Variants in TNPO1 observed in about 807,000 individuals in gnomAD.
The protein encoded by TNPO1 is transportin 1.
A neutral mutation model predicts 119.5 loss-of-function variants in TNPO1; 8 were observed. The observed-to-expected ratio is 0.07, with a 90% CI of 0.04 to 0.12. TNPO1 has a LOEUF of 0.12. Among genes scored for constraint, TNPO1 ranks in the 10% least tolerant of loss-of-function variants. The probability of loss-of-function intolerance (pLI) is 1.00; values close to 1 mark genes in which losing one functional copy is unlikely to be tolerated. For missense variants in TNPO1, 576 were observed against 1,089.8 expected, an observed-to-expected ratio of 0.53 and a Z score of 6.64; for synonymous variants, 362 against 363.0, an observed-to-expected ratio of 1.00 and a Z score of 0.03.
chr5:72,855,749 CATTACT>C lies in TNPO1; in HGVS notation c.206-15_206-10del. The stretch of plus-strand genomic sequence containing the variant: ...TTGAAATTAAGACTACTTCAAAACT[CATTACT>C]ATTACTATTTTATTACAGATGAACC... On this transcript the variant is annotated intron_variant, in intron 3 of 24. Coordinates refer to ENST00000337273, the MANE Select transcript of TNPO1 (RefSeq NM_002270.4). 3 of 1,564,288 alleles carry C rather than the reference CATTACT, an allele frequency of 1.9e-6. No homozygotes were observed. The South Asian group carries it at 3.5e-5, about 18-fold the overall frequency.
At chr5:72,908,444 A>G (rs1391894424) in intron 24 of TNPO1, among the ~76,000 whole-genome samples, 2 of 152,218 alleles carry the variant, frequency 1.3e-5, no homozygotes, top group African/African-American at 4.8e-5. Context: ...ATTTCACTAT[A>G]CAAAGTGTTG....
intron 1 of TNPO1, among the ~76,000 whole-genome samples, chr5:72,836,433 T>C (rs1384899079): frequency 2.6e-5 from 4 of 152,222 alleles, no homozygotes; most frequent in African/African-American, 9.6e-5. Flanking sequence ...TGCACCTGGG[T>C]GTGGCTGTGC....
intron 12 of TNPO1, 143 bp downstream of exon 12, chr5:72,887,365 T>A: frequency 1.1e-6 from 1 of 932,210 alleles, no homozygotes; most frequent in Non-Finnish European, 1.5e-6. Context: ...TAACCCCAGC[T>A]AGATATTTTG....
rs1750728358 is a variant in TNPO1 at position 72,914,025 on chromosome 5, G to C, written c.*5352G>C. On this transcript the variant is annotated 3_prime_UTR_variant, in exon 25 of 25. Coordinates refer to ENST00000337273, the MANE Select transcript of TNPO1 (RefSeq NM_002270.4). ...ACAAATATAACTGGATCTTTCTGCT[G>C]ACAACTTAGGTTGTATGAGTTATGC... The C allele has an allele frequency of 6.6e-6, 1 of 152,502 alleles. No homozygotes were observed. Among genetic ancestry groups the C allele is most frequent in the Non-Finnish European group, 1.5e-5 (1 of 67,968 alleles). 9.4% of individuals were successfully genotyped at this position (152,502 alleles called of 1,614,324 possible). A position where few individuals can be genotyped will look rare whatever the true frequency, so the allele number is the denominator to read the frequency against.
At position 72,897,159 on chromosome 5, in the gene TNPO1, A is replaced by G. The variant is rs1197472725; in HGVS notation, c.2338+8A>G. 1 of 1,578,780 alleles carries G rather than the reference A, an allele frequency of 6.3e-7. No homozygotes were observed. Among genetic ancestry groups the G allele is most frequent in the South Asian group, 1.2e-5 (1 of 85,970 alleles). On this transcript the variant is annotated splice_region_variant and intron_variant, in intron 20 of 24. Coordinates refer to ENST00000337273, the MANE Select transcript of TNPO1 (RefSeq NM_002270.4). ...CGTTGTTAGAGAATACAGGTACCAT[A>G]TGACTGAACTGTTTCAGTGAAGAGA...
In TNPO1 at chr5:72,888,223, C is replaced by T. The variant is rs368972466; in HGVS notation, c.1449C>T (p.Asp483=). ...YAHWVVSQPP[D]TYLKPLMTEL... ...ACTGGGTGGTCAGCCAGCCGCCAGA[C>T]ACGTACCTGAAGCCATTAATGACAG... The change falls in exon 13 of 25, where the codon GAC becomes GAT. Residue 483 remains aspartate, a synonymous_variant. Coordinates refer to ENST00000337273, the MANE Select transcript of TNPO1 (RefSeq NM_002270.4). The T allele has an allele frequency of 1.9e-6, 3 of 1,614,012 alleles. No individual in the cohort carries two copies. The African/African-American group carries it at 4.0e-5, about 22-fold the overall frequency.
At chr5:72,879,769 G>A (rs1312984643) in intron 9 of TNPO1, among the ~76,000 whole-genome samples, 4 of 152,194 alleles carry the variant, frequency 2.6e-5, no homozygotes, top group East Asian at 1.9e-4. Context: ...AAAGCACAGT[G>A]AAATAACTTG....
At chr5:72,847,936 A>G (rs960379874) in intron 1 of TNPO1, among the ~76,000 whole-genome samples, 2 of 152,366 alleles carry the variant, frequency 1.3e-5, no homozygotes, top group Middle Eastern at 3.4e-3. Context: ...AAAATAATAT[A>G]CCCAAAACAG....
At chr5:72,858,474 G>C (rs1209901616) in intron 4 of TNPO1, among the ~76,000 whole-genome samples, 2 of 152,142 alleles carry the variant, frequency 1.3e-5, no homozygotes, top group Non-Finnish European at 2.9e-5. Context: ...TATTAGTGAA[G>C]GTGGTGGAAA....
intron 1 of TNPO1, among the ~76,000 whole-genome samples, chr5:72,831,830 C>G (rs1422502445): frequency 1.3e-5 from 2 of 151,970 alleles, no homozygotes; most frequent in Non-Finnish European, 2.9e-5. Context: ...AAAAGTTGCT[C>G]TAAGTACATT....
At chr5:72,835,266 G>C (rs1158121683) in intron 1 of TNPO1, among the ~76,000 whole-genome samples, 1 of 151,802 alleles carries the variant, frequency 6.6e-6, no homozygotes, top group African/African-American at 2.4e-5. Context: ...TTTTTTCTTT[G>C]TTCTTATTCT....
intron 1 of TNPO1, among the ~76,000 whole-genome samples, chr5:72,827,261 T>C (rs1210417865): frequency 6.6e-6 from 1 of 152,162 alleles, no homozygotes; most frequent in Non-Finnish European, 1.5e-5. Flanking sequence ...TTCAGAGAGA[T>C]GGGCAGGCAC....
chr5:72,848,574 T>TGGG, intron 2 of TNPO1, 76 bp downstream of exon 2: 19 of 803,590 alleles, frequency 2.4e-5, no homozygotes, highest in South Asian at 6.5e-5. Context: ...GGCCGGGGGC[T>TGGG]CCCGTCGCCT....
At chr5:72,905,213 A>T (rs909702202) in intron 23 of TNPO1, 90 bp from the exon 24 acceptor site, 67 of 916,200 alleles carry the variant, frequency 7.3e-5, no homozygotes, top group East Asian at 2.5e-4. Flanking sequence ...TAAAATTTAT[A>T]AAAAAATCAG....
intron 21 of TNPO1, 145 bp from the exon 22 acceptor site, chr5:72,900,829 A>G (rs1437060974): frequency 4.4e-6 from 2 of 456,412 alleles, no homozygotes; most frequent in East Asian, 3.5e-5. Flanking sequence ...AAGTATGAGT[A>G]AACGAAACTA....
chr5:72,898,556 T>G (rs1389345024), intron 20 of TNPO1, among the ~76,000 whole-genome samples: 2 of 152,146 alleles, frequency 1.3e-5, no homozygotes, highest in Admixed American at 6.5e-5. Flanking sequence ...GTTTTTTAAT[T>G]ATTAAAATCA....
chr5:72,848,937 C>T (rs1477493632), intron 2 of TNPO1, among the ~76,000 whole-genome samples: 1 of 151,806 alleles, frequency 6.6e-6, no homozygotes, highest in Non-Finnish European at 1.5e-5. Context: ...GGGTGGAGGG[C>T]GCTCTGTGCG....
intron 3 of TNPO1, among the ~76,000 whole-genome samples, chr5:72,852,630 C>A (rs994812114): frequency 1.3e-5 from 2 of 152,150 alleles, no homozygotes; most frequent in African/African-American, 4.8e-5. Context: ...ACAACCAGAC[C>A]ATCTGTAAAG....
intron 14 of TNPO1, 22 bp downstream of exon 14, chr5:72,889,979 T>G (rs1382052038): frequency 4.4e-6 from 7 of 1,605,420 alleles, no homozygotes; most frequent in Non-Finnish European, 6.0e-6. Flanking sequence ...TTAAGAACTA[T>G]TAGGGAAAAT....
Sources: allele counts gnomAD v4.1 joint callset (sites outside exome capture counted in the v4.1 genomes callset), GRCh38; gene constraint gnomAD v4.1.1; transcripts MANE v1.5; gene names NCBI Gene and HGNC (gene_info 2026-07-23, HGNC 2026-07-21).